The following CCNF variants were observed in gnomAD, a reference collection of about 807,000 sequenced individuals.
CCNF encodes cyclin F, also known as cyclin-F.
Under a neutral mutation model 85.4 loss-of-function variants are expected in CCNF, and 30 were observed. That is an observed-to-expected ratio of 0.35 (90% CI 0.26 to 0.48). The LOEUF is 0.48. Among genes scored for constraint, CCNF ranks in the 20% least tolerant of loss-of-function variants. The probability of loss-of-function intolerance (pLI) is 0.99; values close to 1 mark genes in which losing one functional copy is unlikely to be tolerated. For synonymous variants in CCNF, 439 were observed against 425.1 expected (o/e 1.03, Z -0.40); for missense variants, 919 against 1,010.4 (o/e 0.91, Z 1.23).
chr16:2,439,055 T>C (rs2065307087), intron 6 of CCNF, among the ~76,000 whole-genome samples: 1 of 152,010 alleles, frequency 6.6e-6, no homozygotes, highest in African/African-American at 2.4e-5. Flanking sequence ...CCCAGCACTT[T>C]GGGAGACTGA....
intron 8 of CCNF, among the ~76,000 whole-genome samples, chr16:2,442,994 AATT>A (rs1205617309): frequency 4.5e-5 from 5 of 111,332 alleles, no homozygotes; most frequent in African/African-American, 1.8e-4. Context: ...TATTTATGTT[AATT>A]ATATATTATA....
chr16:2,443,574 T>C (rs909160973), intron 8 of CCNF, 75 bp from the exon 9 acceptor site: 5 of 1,501,860 alleles, frequency 3.3e-6, no homozygotes, highest in Non-Finnish European at 4.6e-6. Context: ...GGTGCCTGAA[T>C]GGGCCTTTGC....
At chr16:2,433,285 C>T (rs1455156591) in intron 3 of CCNF, among the ~76,000 whole-genome samples, 1 of 152,204 alleles carries the variant, frequency 6.6e-6, no homozygotes, top group Non-Finnish European at 1.5e-5. Flanking sequence ...TCATCCCTCA[C>T]GCCACTGACA....
intron 9 of CCNF, 120 bp downstream of exon 9, chr16:2,443,920 CA>C: frequency 1.0e-5 from 8 of 792,136 alleles, no homozygotes; most frequent in South Asian, 2.0e-5. Context: ...GTTCCCTTAT[CA>C]CCCTTTTTTT....
chr16:2,436,699 G>GT (rs1229997493), intron 4 of CCNF: 1 of 154,204 alleles, frequency 6.5e-6, no homozygotes, highest in Non-Finnish European at 1.4e-5. Flanking sequence ...CAATTCTGTG[G>GT]TTTTTTAGGA....
chr16:2,438,768 G>A (rs551692958), intron 6 of CCNF, among the ~76,000 whole-genome samples: 1 of 151,624 alleles, frequency 6.6e-6, no homozygotes, highest in Non-Finnish European at 1.5e-5. Context: ...AGGCCGAGGC[G>A]GGTGGATCAC....
intron 8 of CCNF, among the ~76,000 whole-genome samples, chr16:2,442,891 T>A (rs1185608833): frequency 2.2e-4 from 18 of 81,266 alleles, no homozygotes; most frequent in East Asian, 3.3e-4. Flanking sequence ...TAATTATATA[T>A]TATATATTAT....
At position 2,453,087 on chromosome 16, in the gene CCNF, C is replaced by T; in HGVS notation, c.1488-123C>T. ...TGACTGAGTTTAACCATTCGGGGAA[C>T]TGCCAGGTCAGATTCCAGAGTGACT... On this transcript the variant is annotated intron_variant, in intron 13 of 16. Coordinates refer to ENST00000397066, the MANE Select transcript of CCNF (RefSeq NM_001761.3). This position sits in a 1 kb window ranked among gnomAD's most constrained non-coding sequence, Gnocchi z 5.6. The T allele has an allele frequency of 1.3e-6, 1 of 786,432 alleles. No individual in the cohort carries two copies. Among genetic ancestry groups the T allele is most frequent in the Non-Finnish European group, 2.2e-6 (1 of 457,190 alleles). 48.7% of individuals were successfully genotyped at this position (786,432 alleles called of 1,614,324 possible). A position where few individuals can be genotyped will look rare whatever the true frequency, so the allele number is the denominator to read the frequency against.
At position 2,437,132 on chromosome 16, in the gene CCNF, CTG is replaced by C; in HGVS notation, c.354_355del (p.Ser119Ter). 1 of 1,590,086 alleles carries C rather than the reference CTG, an allele frequency of 6.3e-7. No individual in the cohort carries two copies. On this transcript the variant is annotated frameshift_variant, in exon 5 of 17. Transcript: ENST00000397066. LOFTEE classifies it high-confidence loss of function. ...TCTGTCCTGTCTGTCCCCGCAGTGT[CTG>C]TGTCTGATGAGGCCCGCGCAGAAGT...
intron 8 of CCNF, among the ~76,000 whole-genome samples, chr16:2,443,043 T>C (rs2065340424): frequency 8.3e-6 from 1 of 120,904 alleles, no homozygotes; most frequent in African/African-American, 3.2e-5. Context: ...TATAATATAA[T>C]ATTATGTTAT....
intron 7 of CCNF, 75 bp from the exon 8 acceptor site, chr16:2,439,674 G>A (rs1424192527): frequency 1.0e-5 from 13 of 1,252,884 alleles, no homozygotes; most frequent in Middle Eastern, 1.9e-4. Flanking sequence ...GCGTAGTGTC[G>A]GCCCTTCTGG....
chr16:2,443,461 T>C (rs912889905), intron 8 of CCNF, among the ~76,000 whole-genome samples, 188 bp from the exon 9 acceptor site: 5 of 152,080 alleles, frequency 3.3e-5, no homozygotes, highest in African/African-American at 7.2e-5. Flanking sequence ...TCATGTCATC[T>C]ATTACTTATA....
intron 3 of CCNF, among the ~76,000 whole-genome samples, chr16:2,433,578 T>C (rs1222283264): frequency 6.6e-6 from 1 of 151,892 alleles, no homozygotes; most frequent in Non-Finnish European, 1.5e-5. Context: ...TGTTTTTTGT[T>C]TTTTGTTTTC....
intron 8 of CCNF, among the ~76,000 whole-genome samples, chr16:2,443,065 TATATATTATAG>T (rs1425479827): frequency 9.6e-6 from 1 of 104,682 alleles, no homozygotes; most frequent in Non-Finnish European, 1.7e-5. Context: ...ATATCTATAA[TATATATTATAG>T]ATATATTATA....
In CCNF at chr16:2,458,253, CTTTT is replaced by C. The variant is rs562145171; in HGVS notation, c.*1248_*1251del. 1.9e-3 allele frequency: 244 copies of C among 130,344 alleles called. No homozygotes were observed. Among genetic ancestry groups the C allele is most frequent in the African/African-American group, 6.6e-3 (233 of 35,174 alleles). 8.1% of individuals were successfully genotyped at this position (130,344 alleles called of 1,614,324 possible). A position where few individuals can be genotyped will look rare whatever the true frequency, so the allele number is the denominator to read the frequency against. On this transcript the variant is annotated 3_prime_UTR_variant, in exon 17 of 17. Transcript: ENST00000397066. Reference sequence around the variant, plus strand: ...CTTGGCCAGAAGTGTCCCCCAGATGCTTTTTTTTTTTTTTTTTTGGAGACAGTTT... The same window carrying C: ...CTTGGCCAGAAGTGTCCCCCAGATGCTTTTTTTTTTTTTTGGAGACAGTTT...
At position 2,431,111 on chromosome 16, in the gene CCNF, C is replaced by T. The variant is rs375454117; in HGVS notation, c.17-19C>T. On this transcript the variant is annotated intron_variant, in intron 1 of 16. Coordinates refer to ENST00000397066, the MANE Select transcript of CCNF (RefSeq NM_001761.3). ...ATAATTTTTCATCTTATCAAGGCTT[C>T]TGTCTTTTTTTCCTTCAGTGGTCCA... is the stretch of plus-strand genomic sequence containing the variant. 3.7e-5 allele frequency: 59 copies of T among 1,612,012 alleles called. No homozygotes were observed. In the African/African-American group the frequency reaches 7.6e-4, roughly 21 times the overall value.
At position 2,439,751 on chromosome 16, in the gene CCNF, G is replaced by A; in HGVS notation, c.702G>A (p.Val234=). The A allele has an allele frequency of 6.2e-7, 1 of 1,613,914 alleles. No individual in the cohort carries two copies. Among genetic ancestry groups the A allele is most frequent in the Non-Finnish European group, 8.5e-7 (1 of 1,179,802 alleles). ...GCTCGGTGATCTCCCATTGACAGGT[G>A]TCAGATCCTGGGCGATGCCTCCACA... is the stretch of plus-strand genomic sequence containing the variant. ...LLWESDRRTD[V]SDPGRCLHSF... Residue 234 remains valine, a splice_region_variant and synonymous_variant, in exon 8 of 17, where the codon GTG becomes GTA. Coordinates refer to ENST00000397066, the MANE Select transcript of CCNF (RefSeq NM_001761.3).
chr16:2,435,112 G>A (rs947224520), intron 3 of CCNF, among the ~76,000 whole-genome samples: 4 of 151,858 alleles, frequency 2.6e-5, no homozygotes, highest in South Asian at 2.1e-4. Flanking sequence ...TTAGACAGGC[G>A]TGGTGGCGGG....
At chr16:2,446,215 C>A (rs1019578179) in intron 10 of CCNF, among the ~76,000 whole-genome samples, 4 of 152,236 alleles carry the variant, frequency 2.6e-5, no homozygotes, top group Non-Finnish European at 5.9e-5. Context: ...TGTGGCCTCG[C>A]TCTGGCAGGC....
Sources: allele counts gnomAD v4.1 joint callset (sites outside exome capture counted in the v4.1 genomes callset), GRCh38; gene constraint gnomAD v4.1.1; non-coding constraint Gnocchi (gnomAD v3.1); transcripts MANE v1.5; gene names NCBI Gene and HGNC (gene_info 2026-07-23, HGNC 2026-07-21).